CLN6: variants seen among roughly 807,000 people sequenced by gnomAD.
CLN6 encodes the protein CLN6 transmembrane ER protein.
A neutral mutation model predicts 33.3 loss-of-function variants in CLN6; 22 were observed. That is an observed-to-expected ratio of 0.66 (90% CI 0.47 to 0.94). The LOEUF (loss-of-function observed/expected upper bound fraction) is 0.94, where lower values mean the gene tolerates loss of function less well. Among genes scored for constraint, CLN6 ranks in the 40% least tolerant of loss-of-function variants. CLN6 has a pLI of 0.00. For missense variants in CLN6, 387 were observed against 417.1 expected, an observed-to-expected ratio of 0.93 and a Z score of 0.63; for synonymous variants, 201 against 174.6, an observed-to-expected ratio of 1.15 and a Z score of -1.19.
rs2093194578 is a variant in CLN6 at position 68,208,497 on chromosome 15, C to T, written c.666-87G>A. On this transcript the variant is annotated intron_variant, in intron 6 of 6. Transcript: ENST00000249806. The surrounding 1 kb of genome is among the most constrained non-coding windows in gnomAD (Gnocchi z 5.8). The stretch of plus-strand genomic sequence containing the variant: ...TTCCTGTGTGCGAGAGCCAGGCTGC[C>T]CTCCAGGCAGGCAGAAGAGTCCTCT... 1.3e-6 allele frequency: 2 copies of T among 1,505,364 alleles called. No individual in the cohort carries two copies. The highest frequency in any genetic ancestry group is 2.7e-5 in the African/African-American group (2 of 72,788). 93.3% of individuals were successfully genotyped at this position (1,505,364 alleles called of 1,614,324 possible).
chr15:68,230,270 A>C (rs1041679350), upstream of CLN6, among the ~76,000 whole-genome samples: 4 of 152,086 alleles, frequency 2.6e-5, no homozygotes, highest in Non-Finnish European at 5.9e-5. The surrounding 1 kb of genome is among the most constrained non-coding windows in gnomAD (Gnocchi z 4.0). Flanking sequence ...CAGTGGCCGG[A>C]TTCTGCCCCT....
At chr15:68,216,070 T>G (rs2093219821) in intron 2 of CLN6, among the ~76,000 whole-genome samples, 1 of 152,226 alleles carries the variant, frequency 6.6e-6, no homozygotes, top group African/African-American at 2.4e-5. Context: ...ATGTCTACGT[T>G]CCACCAAGTC....
At position 68,220,492 on chromosome 15, in the gene CLN6, C is replaced by A. The variant is rs2093232548; in HGVS notation, c.84-1842G>T. 6.6e-6 allele frequency among the ~76,000 whole-genome samples: 1 copy of A among 152,248 alleles called. No individual in the cohort carries two copies. Among genetic ancestry groups the A allele is most frequent in the Non-Finnish European group, 1.5e-5 (1 of 68,038 alleles). ...GACTGGCCCAGTGGGACTTTTCCAA[C>A]TGCAGGTGAGGAAAAGAGCTCCTTC... On this transcript the variant is annotated intron_variant, in intron 1 of 6. Coordinates refer to ENST00000249806, the MANE Select transcript of CLN6 (RefSeq NM_017882.3). This position sits in a 1 kb window ranked among gnomAD's most constrained non-coding sequence, Gnocchi z 4.2.
intron 1 of CLN6, among the ~76,000 whole-genome samples, chr15:68,224,265 CAAAAAA>C (rs34196710): frequency 2.1e-5 from 1 of 46,722 alleles, no homozygotes; most frequent in Non-Finnish European, 3.2e-5. Context: ...GACCTTATTG[CAAAAAA>C]AAAAAAAAAA....
intron 1 of CLN6, among the ~76,000 whole-genome samples, chr15:68,245,708 A>G (rs1354422357): frequency 2.0e-5 from 3 of 152,182 alleles, no homozygotes; most frequent in South Asian, 2.1e-4. Flanking sequence ...AATTCAGTCA[A>G]TTCTCTAATT....
In CLN6 at chr15:68,208,094, G is replaced by GGCCCCCCCCC; in HGVS notation, c.*45_*46insGGGGGGGGGC. On this transcript the variant is annotated 3_prime_UTR_variant, in exon 7 of 7. Transcript: ENST00000249806. This position sits in a 1 kb window ranked among gnomAD's most constrained non-coding sequence, Gnocchi z 5.8. The stretch of plus-strand genomic sequence containing the variant: ...CTCCTGTATTCAGATGCCCTCCATG[G>GGCCCCCCCCC]CCCACCCTCCCACCCAGCAGAGCGC... The GGCCCCCCCCC allele has an allele frequency of 1.9e-5, 26 of 1,375,270 alleles. No homozygotes were observed. Among genetic ancestry groups the GGCCCCCCCCC allele is most frequent in the East Asian group, 2.5e-5 (1 of 39,906 alleles). The allele number at this position is 1,375,270 out of a possible 1,614,324, so 85.2% of individuals were successfully genotyped here.
Position 68,207,682 on chromosome 15 carries a change from A to ATG in CLN6, c.*456_*457dup, listed in dbSNP as rs2093190848. The ATG allele has an allele frequency of 4.0e-6, 1 of 248,304 alleles. No homozygotes were observed. The highest frequency in any genetic ancestry group is 7.9e-6 in the Non-Finnish European group (1 of 125,860). The allele number at this position is 248,304 out of a possible 1,614,324, so 15.4% of individuals were successfully genotyped here. ...ACAGTAGGCTGACGTAACCTATGTA[A>ATG]TGTAGGGTCAGGGTGGGCCTGAGGG... On this transcript the variant is annotated 3_prime_UTR_variant, in exon 7 of 7. Transcript: ENST00000249806.
chr15:68,228,210 C>T lies in CLN6; in HGVS notation c.83+1292G>A, dbSNP rs1426727540. On this transcript the variant is annotated intron_variant, in intron 1 of 6. Coordinates refer to ENST00000249806, the MANE Select transcript of CLN6 (RefSeq NM_017882.3). The surrounding 1 kb of genome is among the most constrained non-coding windows in gnomAD (Gnocchi z 4.4). ...TCCGCAGCTGCTCAGCCCGCATGTC[C>T]GCAGCAGCAGAAACGAGCCATCCCT... Among the ~76,000 whole-genome samples, 2 of 152,154 alleles carry T rather than the reference C, an allele frequency of 1.3e-5. No individual in the cohort carries two copies. The highest frequency in any genetic ancestry group is 1.9e-4 in the East Asian group (1 of 5,200).
At chr15:68,243,121 A>G (rs1595830540) in intron 1 of CLN6, among the ~76,000 whole-genome samples, 1 of 152,262 alleles carries the variant, frequency 6.6e-6, no homozygotes, top group Non-Finnish European at 1.5e-5. Context: ...TGTCTAGTTC[A>G]GAGGGTTTTA....
At chr15:68,218,406 A>T in intron 2 of CLN6, 130 bp downstream of exon 2, 2 of 744,480 alleles carry the variant, frequency 2.7e-6, no homozygotes, top group Admixed American at 3.8e-5. Flanking sequence ...ATATGAAGGC[A>T]TCCAGGCCTA....
chr15:68,208,201 C>T lies in CLN6; in HGVS notation c.875G>A (p.Gly292Asp), dbSNP rs1399309224. ...NDPVLRKKYP[G>D]VIYVPEPWAF... ...CCAGGGCTCAGGGACGTAGATGACA[C>T]CCGGGTACTTCTTCCTGAGAACAGG... The change falls in exon 7 of 7, where the codon GGT (glycine) becomes GAT (aspartate). Residue 292 changes from glycine (G) to aspartate (D), a missense_variant. Gly to Asp is a moderately conservative substitution (Grantham distance 94, BLOSUM62 -1). Coordinates refer to ENST00000249806, the MANE Select transcript of CLN6 (RefSeq NM_017882.3). The surrounding 1 kb of genome is among the most constrained non-coding windows in gnomAD (Gnocchi z 5.8). 6.2e-7 allele frequency: 1 copy of T among 1,613,554 alleles called. No homozygotes were observed. The highest frequency in any genetic ancestry group is 8.5e-7 in the Non-Finnish European group (1 of 1,179,880).
At chr15:68,215,262 T>A (rs897534396) in intron 2 of CLN6, 3 of 116,700 alleles carry the variant, frequency 2.6e-5, no homozygotes, top group Non-Finnish European at 6.3e-5. Flanking sequence ...AATGCAGCAA[T>A]CTCAGTCTCT....
chr15:68,209,600 T>G lies in CLN6; in HGVS notation c.665+37A>C. ...AATTTTGCTGCCGTGGCTCTCTCAGTGCCCCTGCCTCTGCCCCCATGCTGA... is the reference window on the plus strand; with the variant it reads ...AATTTTGCTGCCGTGGCTCTCTCAGGGCCCCTGCCTCTGCCCCCATGCTGA... On this transcript the variant is annotated intron_variant, in intron 6 of 6. Coordinates refer to ENST00000249806, the MANE Select transcript of CLN6 (RefSeq NM_017882.3). This position sits in a 1 kb window ranked among gnomAD's most constrained non-coding sequence, Gnocchi z 4.9. 1 of 1,609,722 alleles carries G rather than the reference T, an allele frequency of 6.2e-7. No homozygotes were observed. The highest frequency in any genetic ancestry group is 8.5e-7 in the Non-Finnish European group (1 of 1,179,410).
At chr15:68,218,476 T>C (rs2093226627) in intron 2 of CLN6, 60 bp downstream of exon 2, 1 of 1,267,834 alleles carries the variant, frequency 7.9e-7, no homozygotes, top group African/African-American at 1.5e-5. Flanking sequence ...CTCGGCAAAT[T>C]CAAGCCACAC....
In CLN6 at chr15:68,236,961, T is replaced by G. The variant is rs1303289781; in HGVS notation, c.180-18311A>C. On this transcript the variant is annotated intron_variant, in intron 1 of 6. Transcript: ENST00000538696. This position sits in a 1 kb window ranked among gnomAD's most constrained non-coding sequence, Gnocchi z 4.5. ...TCATGAGGTCAGGAGATCGAGACCATCCTGGCTAACAAGGTGAAACCCCGT... is the reference window on the plus strand; with the variant it reads ...TCATGAGGTCAGGAGATCGAGACCAGCCTGGCTAACAAGGTGAAACCCCGT... Among the ~76,000 whole-genome samples the G allele has an allele frequency of 2.0e-5, 3 of 148,674 alleles. No individual in the cohort carries two copies. Among genetic ancestry groups the G allele is most frequent in the African/African-American group, 5.0e-5 (2 of 40,140 alleles).
chr15:68,254,679 A>G, intron 1 of CLN6: 1 of 732,426 alleles, frequency 1.4e-6, no homozygotes, highest in Non-Finnish European at 2.5e-6. Context: ...GATAAAACCA[A>G]GATGAAGGAC....
rs1261554748 is a variant in CLN6, at chr15:68,241,613, A to G, written c.179+15077T>C. ...ATATCTCTGAGGACACTGAGAGACC[A>G]AGGAGGGAGGTGGGGATACTATCCC... On this transcript the variant is annotated intron_variant, in intron 1 of 6. Transcript: ENST00000538696. This position sits in a 1 kb window ranked among gnomAD's most constrained non-coding sequence, Gnocchi z 4.2. 6.6e-6 allele frequency among the ~76,000 whole-genome samples: 1 copy of G among 151,856 alleles called. No individual in the cohort carries two copies. Among genetic ancestry groups the G allele is most frequent in the Non-Finnish European group, 1.5e-5 (1 of 67,898 alleles).
At chr15:68,243,753 T>G (rs1441899221) in intron 1 of CLN6, among the ~76,000 whole-genome samples, 4 of 117,444 alleles carry the variant, frequency 3.4e-5, no homozygotes, top group Non-Finnish European at 4.9e-5. Flanking sequence ...AGACTCTATC[T>G]CAAAAAAAAA....
At chr15:68,225,467 AG>A (rs2093249070) in intron 1 of CLN6, among the ~76,000 whole-genome samples, 1 of 152,166 alleles carries the variant, frequency 6.6e-6, no homozygotes, top group African/African-American at 2.4e-5. Flanking sequence ...AGTTTAGGGT[AG>A]GGGACTAATA....
Sources: gnomAD v4.1 joint callset for allele counts (sites outside exome capture counted in the v4.1 genomes callset) on GRCh38, gnomAD v4.1.1 for gene constraint, Gnocchi (gnomAD v3.1) non-coding constraint, MANE v1.5 for transcripts, NCBI Gene and HGNC (gene_info 2026-07-23, HGNC 2026-07-21) for gene names.